Variants in SPOCK3 observed in about 807,000 individuals in gnomAD.
The protein encoded by SPOCK3 is SPARC (osteonectin), cwcv and kazal like domains proteoglycan 3, also known as testican-3.
Under a neutral mutation model 56.6 loss-of-function variants are expected in SPOCK3, and 30 were observed. The observed-to-expected ratio is 0.53, with a 90% CI of 0.40 to 0.72. The LOEUF (loss-of-function observed/expected upper bound fraction) is 0.72. SPOCK3 is among the 30% of genes least tolerant of loss of function. The probability of loss-of-function intolerance (pLI) is 0.00; values close to 1 mark genes in which losing one functional copy is unlikely to be tolerated. For missense variants in SPOCK3, 527 were observed against 530.0 expected (o/e 0.99, Z 0.06); for synonymous variants, 196 against 183.3 (o/e 1.07, Z -0.56).
In SPOCK3 at chr4:166,804,845, A is replaced by G. The variant is rs190722643; in HGVS notation, c.590-12556T>C. ...ATTAGGCAGCCAACTCTACTACAGC[A>G]TTTCCCAAGACATCCTTAAGAATTA... On this transcript the variant is annotated intron_variant, in intron 6 of 10. Coordinates refer to ENST00000357545, the MANE Select transcript of SPOCK3 (RefSeq NM_001040159.2). 5.3e-5 allele frequency among the ~76,000 whole-genome samples: 8 copies of G among 152,236 alleles called. No individual in the cohort carries two copies. In the East Asian group the frequency reaches 1.5e-3, roughly 29 times the overall value.
At chr4:166,793,519 G>A (rs1279450048) in intron 6 of SPOCK3, among the ~76,000 whole-genome samples, 2 of 152,222 alleles carry the variant, frequency 1.3e-5, no homozygotes, top group African/African-American at 4.8e-5. Flanking sequence ...CGCATTCAAA[G>A]CTGTCCTGGG....
chr4:167,006,926 G>C (rs533119985), intron 3 of SPOCK3, among the ~76,000 whole-genome samples: 1 of 152,078 alleles, frequency 6.6e-6, no homozygotes, highest in Non-Finnish European at 1.5e-5. Flanking sequence ...GCATGGCCAC[G>C]TCCAAGGATT....
At chr4:167,066,342 AT>A (rs1756131472) in intron 2 of SPOCK3, among the ~76,000 whole-genome samples, 1 of 151,780 alleles carries the variant, frequency 6.6e-6, no homozygotes, top group East Asian at 1.9e-4. Context: ...TACTCATGAG[AT>A]ACCGGTGGGG....
At chr4:166,735,708 G>A (rs1734151284) in intron 10 of SPOCK3, among the ~76,000 whole-genome samples, 1 of 151,974 alleles carries the variant, frequency 6.6e-6, no homozygotes, top group Non-Finnish European at 1.5e-5. Context: ...TGAACCAAGG[G>A]ATGAGAGCTA....
At chr4:166,933,932 G>T (rs1023585081) in intron 4 of SPOCK3, among the ~76,000 whole-genome samples, 2 of 152,164 alleles carry the variant, frequency 1.3e-5, no homozygotes, top group Non-Finnish European at 2.9e-5. Context: ...ATATGCTGAT[G>T]TTCCATGTTG....
chr4:166,977,317 T>C (rs918760939), intron 4 of SPOCK3, among the ~76,000 whole-genome samples: 1 of 152,076 alleles, frequency 6.6e-6, no homozygotes, highest in Non-Finnish European at 1.5e-5. Context: ...TTCAGACTTA[T>C]TTAGACTTAA....
intron 2 of SPOCK3, among the ~76,000 whole-genome samples, chr4:167,115,270 C>T (rs777470800): frequency 1.3e-5 from 2 of 150,378 alleles, no homozygotes; most frequent in South Asian, 4.2e-4. Flanking sequence ...TGAACCAAGG[C>T]TGTATGTCCC....
chr4:167,127,633 G>C (rs12331228), intron 2 of SPOCK3, among the ~76,000 whole-genome samples: 3,246 of 152,166 alleles, frequency 0.021, 118 homozygotes, highest in African/African-American at 0.075. Context: ...CCACCGTGTT[G>C]GCCAGGCTGG....
chr4:167,036,845 T>C (rs1224967234), intron 3 of SPOCK3, among the ~76,000 whole-genome samples: 4 of 152,130 alleles, frequency 2.6e-5, no homozygotes, highest in Non-Finnish European at 1.5e-5. Context: ...TCTAACGCTG[T>C]TATATCAACA....
intron 2 of SPOCK3, among the ~76,000 whole-genome samples, chr4:167,138,657 A>G (rs1763300600): frequency 6.6e-6 from 1 of 151,994 alleles, no homozygotes. Flanking sequence ...ATTGGGAGAA[A>G]GGAGAAGTGA....
chr4:167,213,004 C>T (rs1735028667), intron 2 of SPOCK3, among the ~76,000 whole-genome samples: 1 of 152,160 alleles, frequency 6.6e-6, no homozygotes, highest in Non-Finnish European at 1.5e-5. Context: ...GCCACTACCC[C>T]GTCTGTAGTG....
chr4:166,808,786 C>A (rs188443241), intron 6 of SPOCK3, among the ~76,000 whole-genome samples: 1 of 152,150 alleles, frequency 6.6e-6, no homozygotes, highest in Admixed American at 6.6e-5. Flanking sequence ...TCCTGCATTT[C>A]TAAGTCTTGT....
chr4:166,927,519 C>CAGCAT (rs1315908707), intron 4 of SPOCK3, among the ~76,000 whole-genome samples: 5 of 152,154 alleles, frequency 3.3e-5, no homozygotes. Flanking sequence ...TCTTTATCAG[C>CAGCAT]AGCATGAAAA....
intron 2 of SPOCK3, among the ~76,000 whole-genome samples, chr4:167,227,219 T>C (rs1736681003): frequency 1.3e-5 from 2 of 152,176 alleles, no homozygotes; most frequent in African/African-American, 4.8e-5. Context: ...ATTCTAAAAC[T>C]GGACACGACA....
At chr4:167,031,115 A>G (rs985782519) in intron 3 of SPOCK3, among the ~76,000 whole-genome samples, 2 of 152,030 alleles carry the variant, frequency 1.3e-5, no homozygotes, top group Non-Finnish European at 2.9e-5. Flanking sequence ...ATAAATTCAT[A>G]TATTTTTATA....
chr4:167,165,498 C>G (rs1765683243), intron 2 of SPOCK3, among the ~76,000 whole-genome samples: 1 of 151,984 alleles, frequency 6.6e-6, no homozygotes, highest in Non-Finnish European at 1.5e-5. Flanking sequence ...CAAATCAAAA[C>G]CACAGTGAGA....
intron 2 of SPOCK3, among the ~76,000 whole-genome samples, chr4:167,086,742 C>T (rs1758235237): frequency 6.6e-6 from 1 of 151,990 alleles, no homozygotes; most frequent in Admixed American, 6.6e-5. Flanking sequence ...ATATAAATAT[C>T]TACTTTACTC....
chr4:166,748,138 T>C (rs139127269), intron 8 of SPOCK3, among the ~76,000 whole-genome samples: 109,651 of 139,164 alleles, frequency 0.79, 43,926 homozygotes, highest in South Asian at 0.82. Flanking sequence ...AAAACTACTT[T>C]AAAGTTCATA....
intron 3 of SPOCK3, among the ~76,000 whole-genome samples, chr4:167,045,910 T>A (rs903839306): frequency 6.6e-6 from 1 of 152,162 alleles, no homozygotes; most frequent in East Asian, 1.9e-4. Flanking sequence ...CCTTCCTTTT[T>A]ATGTAGATCT....
Sources: gnomAD v4.1 joint callset for allele counts (sites outside exome capture counted in the v4.1 genomes callset) on GRCh38, gnomAD v4.1.1 for gene constraint, MANE v1.5 for transcripts, NCBI Gene and HGNC (gene_info 2026-07-23, HGNC 2026-07-21) for gene names.